EPHA3: variants seen among roughly 807,000 people sequenced by gnomAD.
EPHA3 encodes the protein ephrin type-A receptor 3.
A neutral mutation model predicts 107.1 loss-of-function variants in EPHA3; 42 were observed. The ratio of observed to expected loss-of-function variants is 0.39; its 90% CI spans 0.31 to 0.51. The LOEUF (loss-of-function observed/expected upper bound fraction) is 0.51. Among genes scored for constraint, EPHA3 ranks in the 20% least tolerant of loss-of-function variants. EPHA3 has a pLI of 0.78. For synonymous variants in EPHA3, 461 were observed against 424.8 expected (o/e 1.09, Z -1.05); for missense variants, 1,183 against 1,211.2 (o/e 0.98, Z 0.35).
rs538194076 is a variant in EPHA3 at position 89,221,631 on chromosome 3, T to A, written c.814+11111T>A. Among the ~76,000 whole-genome samples, 83 of 152,310 alleles carry A rather than the reference T, an allele frequency of 5.4e-4. 1 individual carries two copies. Among genetic ancestry groups the A allele is most frequent in the South Asian group, 5.0e-3 (24 of 4,826 alleles). On this transcript the variant is annotated intron_variant, in intron 3 of 16. Coordinates refer to ENST00000336596, the MANE Select transcript of EPHA3 (RefSeq NM_005233.6). ...TACTATTTATTGATTGCCTACTATG[T>A]ACCCAGTGAGGAATATACCATTTGA...
intron 3 of EPHA3, among the ~76,000 whole-genome samples, chr3:89,211,368 T>C (rs191775221): frequency 6.6e-6 from 1 of 152,182 alleles, no homozygotes; most frequent in East Asian, 1.9e-4. Flanking sequence ...TAGGCAAGGT[T>C]TTATGCTTAA....
intron 2 of EPHA3, among the ~76,000 whole-genome samples, chr3:89,188,798 C>A (rs1382065713): frequency 6.6e-6 from 1 of 152,194 alleles, no homozygotes; most frequent in East Asian, 1.9e-4. Flanking sequence ...GACAATTTAT[C>A]AGAGCTGTGA....
At chr3:89,281,800 G>A (rs573268390) in intron 3 of EPHA3, among the ~76,000 whole-genome samples, 111 of 152,256 alleles carry the variant, frequency 7.3e-4, no homozygotes, top group African/African-American at 2.2e-3. Context: ...TGGGAATAGT[G>A]AACAGGGAAG....
chr3:89,194,621 T>C (rs1246718592), intron 2 of EPHA3, among the ~76,000 whole-genome samples: 1 of 152,116 alleles, frequency 6.6e-6, no homozygotes, highest in Non-Finnish European at 1.5e-5. Flanking sequence ...ACTTCTTCTC[T>C]GCTATGCTTT....
intron 5 of EPHA3, among the ~76,000 whole-genome samples, chr3:89,363,036 A>C (rs527923113): frequency 2.0e-5 from 3 of 151,104 alleles, no homozygotes; most frequent in East Asian, 3.9e-4. Context: ...ATTTCATCTT[A>C]TATAAAGCTA....
intron 1 of EPHA3, among the ~76,000 whole-genome samples, chr3:89,122,979 G>C (rs987266742): frequency 6.6e-6 from 1 of 152,170 alleles, no homozygotes; most frequent in African/African-American, 2.4e-5. Context: ...AGGAAAGGAA[G>C]AGAGAGGATG....
chr3:89,131,527 A>G (rs1206654583), intron 2 of EPHA3, among the ~76,000 whole-genome samples: 1 of 152,210 alleles, frequency 6.6e-6, no homozygotes. Flanking sequence ...ACATAAATGC[A>G]TTGGAGGAGA....
At chr3:89,169,442 A>G (rs2107092374) in intron 2 of EPHA3, among the ~76,000 whole-genome samples, 1 of 152,338 alleles carries the variant, frequency 6.6e-6, no homozygotes, top group Admixed American at 6.5e-5. Flanking sequence ...TAACCATGAC[A>G]AAATTATTTA....
At chr3:89,369,672 A>C (rs13094064) in intron 5 of EPHA3, among the ~76,000 whole-genome samples, 1 of 147,504 alleles carries the variant, frequency 6.8e-6, no homozygotes, top group Non-Finnish European at 1.5e-5. Context: ...TAATTAAACT[A>C]AAGAGCTTCT....
chr3:89,202,525 AAAAAAAAAAAT>A (rs1172126032), intron 2 of EPHA3, among the ~76,000 whole-genome samples: 1,546 of 83,440 alleles, frequency 0.019, 8 homozygotes, highest in East Asian at 0.03. Context: ...CAAAAAAAAA[AAAAAAAAAAAT>A]ATATATATAT....
intron 2 of EPHA3, among the ~76,000 whole-genome samples, chr3:89,184,538 T>A (rs1367639149): frequency 6.6e-6 from 1 of 152,072 alleles, no homozygotes; most frequent in African/African-American, 2.4e-5. Flanking sequence ...AACGAATTAC[T>A]TTTAAAATAA....
intron 2 of EPHA3, among the ~76,000 whole-genome samples, chr3:89,209,658 C>T (rs376365708): frequency 1.3e-4 from 20 of 152,106 alleles, no homozygotes; most frequent in South Asian, 6.2e-4. Flanking sequence ...CAAACTGTAA[C>T]GCAATTGAAA....
chr3:89,458,118 G>A (rs373171481), intron 15 of EPHA3, among the ~76,000 whole-genome samples: 3 of 152,336 alleles, frequency 2.0e-5, no homozygotes, highest in African/African-American at 7.2e-5. Flanking sequence ...GTAACAAGGT[G>A]TAGTGGCAGC....
At chr3:89,365,138 T>A (rs1708163489) in intron 5 of EPHA3, among the ~76,000 whole-genome samples, 1 of 150,808 alleles carries the variant, frequency 6.6e-6, no homozygotes, top group East Asian at 1.9e-4. Context: ...TTATTCTCTG[T>A]CTGAGAATAG....
intron 3 of EPHA3, among the ~76,000 whole-genome samples, chr3:89,301,912 G>A (rs577931603): frequency 6.6e-6 from 1 of 151,960 alleles, no homozygotes; most frequent in Non-Finnish European, 1.5e-5. Context: ...AATGTGATAT[G>A]GCTATTTTTT....
intron 5 of EPHA3, among the ~76,000 whole-genome samples, chr3:89,350,690 G>A (rs1480283598): frequency 5.3e-5 from 8 of 150,594 alleles, no homozygotes; most frequent in South Asian, 2.1e-4. Flanking sequence ...GAGGAGAGGC[G>A]CTCTGCGTTT....
chr3:89,204,143 A>G (rs902550751), intron 2 of EPHA3, among the ~76,000 whole-genome samples: 2 of 152,168 alleles, frequency 1.3e-5, no homozygotes, highest in Non-Finnish European at 2.9e-5. Context: ...TTTCCTCATA[A>G]TAATTCTGAT....
At chr3:89,201,076 T>G (rs1705957092) in intron 2 of EPHA3, among the ~76,000 whole-genome samples, 1 of 152,168 alleles carries the variant, frequency 6.6e-6, no homozygotes, top group South Asian at 2.1e-4. Flanking sequence ...CTCATAGTTC[T>G]GCAAGCTGTA....
At chr3:89,416,109 G>A (rs1173729858) in intron 10 of EPHA3, among the ~76,000 whole-genome samples, 2 of 151,196 alleles carry the variant, frequency 1.3e-5, no homozygotes, top group Non-Finnish European at 3.0e-5. Context: ...AGTGTTGGAG[G>A]GAGTCATTCT....
Sources: gnomAD v4.1 joint callset for allele counts (sites outside exome capture counted in the v4.1 genomes callset) on GRCh38, gnomAD v4.1.1 for gene constraint, MANE v1.5 for transcripts, NCBI Gene and HGNC (gene_info 2026-07-23, HGNC 2026-07-21) for gene names.